PDE4D: variants seen among roughly 807,000 people sequenced by gnomAD.
The protein encoded by PDE4D is phosphodiesterase 4D, also known as 3',5'-cyclic-AMP phosphodiesterase 4D.
PDE4D carries 24 observed loss-of-function variants against 87.4 expected under a neutral mutation model. The observed-to-expected ratio is 0.27, with a 90% CI of 0.20 to 0.39. The LOEUF (loss-of-function observed/expected upper bound fraction) is 0.39, where lower values mean the gene tolerates loss of function less well. Among genes scored for constraint, PDE4D ranks in the 10% least tolerant of loss-of-function variants. The pLI, the probability that PDE4D is intolerant of heterozygous loss-of-function variation, is 1.00. For missense variants in PDE4D, 714 were observed against 1,041.0 expected (o/e 0.69, Z 4.32); for synonymous variants, 384 against 383.2 (o/e 1.00, Z -0.02).
At chr5:60,093,185 C>T (rs1418905120) in intron 2 of PDE4D, among the ~76,000 whole-genome samples, 1 of 152,232 alleles carries the variant, frequency 6.6e-6, no homozygotes, top group African/African-American at 2.4e-5. Context: ...GCATGAAGCA[C>T]ATATTCTGCC....
At chr5:60,344,291 G>A (rs1173018714) in intron 1 of PDE4D, among the ~76,000 whole-genome samples, 3 of 152,010 alleles carry the variant, frequency 2.0e-5, no homozygotes, top group Non-Finnish European at 4.4e-5. Flanking sequence ...TGTGAGTTTC[G>A]CTTTGCTAAG....
chr5:60,142,781 G>A (rs1394002784), intron 2 of PDE4D, among the ~76,000 whole-genome samples: 1 of 152,156 alleles, frequency 6.6e-6, no homozygotes, highest in Non-Finnish European at 1.5e-5. Flanking sequence ...AAAACATGAT[G>A]CCATCAGATC....
At chr5:59,323,379 A>G (rs1775062443) in intron 1 of PDE4D, among the ~76,000 whole-genome samples, 1 of 152,220 alleles carries the variant, frequency 6.6e-6, no homozygotes, top group Middle Eastern at 3.4e-3. Context: ...TGGTTAATAT[A>G]TCCCTTGGCA....
chr5:59,098,245 C>T (rs772420043), intron 5 of PDE4D, among the ~76,000 whole-genome samples: 30 of 152,082 alleles, frequency 2.0e-4, no homozygotes, highest in Non-Finnish European at 3.4e-4. Context: ...CTAAGAAGTT[C>T]CCAAGCTAGT....
intron 2 of PDE4D, among the ~76,000 whole-genome samples, chr5:60,134,087 T>C (rs985963784): frequency 1.3e-5 from 2 of 152,230 alleles, no homozygotes; most frequent in African/African-American, 2.4e-5. Context: ...TATGATTTAA[T>C]ACATTAATAA....
chr5:59,252,764 T>C (rs1237256138), intron 1 of PDE4D, among the ~76,000 whole-genome samples: 1 of 152,078 alleles, frequency 6.6e-6, no homozygotes, highest in Non-Finnish European at 1.5e-5. Flanking sequence ...TGGACTCAAG[T>C]GATCCTCCCA....
chr5:60,303,509 G>GT (rs1315440603), intron 1 of PDE4D, among the ~76,000 whole-genome samples: 1 of 151,584 alleles, frequency 6.6e-6, no homozygotes, highest in Non-Finnish European at 1.5e-5. Context: ...GGGTTTCACC[G>GT]TGTTAGCCAG....
At chr5:59,229,620 C>G (rs1754686655) in intron 1 of PDE4D, among the ~76,000 whole-genome samples, 1 of 152,154 alleles carries the variant, frequency 6.6e-6, no homozygotes, top group African/African-American at 2.4e-5. Flanking sequence ...AAACTACGTG[C>G]AGCTGCTAGT....
At chr5:59,953,307 C>T (rs771546124) in intron 3 of PDE4D, among the ~76,000 whole-genome samples, 14 of 151,262 alleles carry the variant, frequency 9.3e-5, no homozygotes, top group South Asian at 4.2e-4. Flanking sequence ...AGATATTTTG[C>T]GATTTAATGC....
chr5:59,018,930 T>C (rs1321837917), intron 6 of PDE4D, among the ~76,000 whole-genome samples: 2 of 147,938 alleles, frequency 1.4e-5, no homozygotes, highest in Non-Finnish European at 3.0e-5. Flanking sequence ...CCAAGTAAAA[T>C]CCTGCCCCCT....
intron 1 of PDE4D, among the ~76,000 whole-genome samples, chr5:59,381,186 T>C (rs376084115): frequency 5.3e-5 from 8 of 152,328 alleles, no homozygotes; most frequent in African/African-American, 1.9e-4. Context: ...ATTAGCTTTG[T>C]GGTCCAGGTA....
chr5:59,718,469 A>C (rs1165670847), intron 1 of PDE4D, among the ~76,000 whole-genome samples: 1 of 152,190 alleles, frequency 6.6e-6, no homozygotes, highest in Non-Finnish European at 1.5e-5. Flanking sequence ...TGCTTAAGTA[A>C]GGATTACAAC....
chr5:59,152,571 G>T lies in PDE4D; in HGVS notation c.808+28024C>A, dbSNP rs117081106. Among the ~76,000 whole-genome samples, 55 of 152,212 alleles carry T rather than the reference G, an allele frequency of 3.6e-4. 1 individual carries two copies. The East Asian group carries it at 0.01, about 29-fold the overall frequency. On this transcript the variant is annotated intron_variant, in intron 5 of 14. Coordinates refer to ENST00000340635, the MANE Select transcript of PDE4D (RefSeq NM_001104631.2). ...ATTATTCCCTAGAAATGAGTAAGAC[G>T]AAGGATACATGAAGCTAAACCGGTC...
At chr5:60,367,365 T>C (rs1760643782) in intron 1 of PDE4D, among the ~76,000 whole-genome samples, 1 of 151,600 alleles carries the variant, frequency 6.6e-6, no homozygotes, top group Non-Finnish European at 1.5e-5. Context: ...GGAGAATCAC[T>C]TGAACCCAGG....
intron 1 of PDE4D, among the ~76,000 whole-genome samples, chr5:60,284,924 T>A (rs1420461465): frequency 6.7e-6 from 1 of 150,056 alleles, no homozygotes; most frequent in African/African-American, 2.5e-5. Context: ...TTGCTTTGAG[T>A]TTGAATCTCT....
At chr5:60,495,483 G>A (rs1258044618) in intron 1 of PDE4D, among the ~76,000 whole-genome samples, 1 of 152,186 alleles carries the variant, frequency 6.6e-6, no homozygotes, top group Non-Finnish European at 1.5e-5. Flanking sequence ...GTCAATGTTT[G>A]TAAAGCCAGT....
At chr5:59,943,096 G>A (rs1340679385) in intron 3 of PDE4D, among the ~76,000 whole-genome samples, 1 of 152,104 alleles carries the variant, frequency 6.6e-6, no homozygotes, top group Non-Finnish European at 1.5e-5. Context: ...TTTTAATGCA[G>A]AAGACACTTG....
chr5:58,997,650 T>C (rs1172767845), intron 6 of PDE4D, among the ~76,000 whole-genome samples: 1 of 131,772 alleles, frequency 7.6e-6, no homozygotes, highest in East Asian at 2.3e-4. Flanking sequence ...CTGAAAACAA[T>C]ACACAGATTT....
chr5:60,102,117 T>G (rs534652368), intron 2 of PDE4D, among the ~76,000 whole-genome samples: 1 of 152,282 alleles, frequency 6.6e-6, no homozygotes. Flanking sequence ...AGAATCACAA[T>G]GCAGTATAAA....
Sources: allele counts gnomAD v4.1 joint callset (sites outside exome capture counted in the v4.1 genomes callset), GRCh38; gene constraint gnomAD v4.1.1; transcripts MANE v1.5; gene names NCBI Gene and HGNC (gene_info 2026-07-23, HGNC 2026-07-21).